WIZ: variants seen among roughly 807,000 people sequenced by gnomAD.
WIZ encodes protein Wiz.
A neutral mutation model predicts 140.2 loss-of-function variants in WIZ; 25 were observed. That is an observed-to-expected ratio of 0.18 (90% CI 0.13 to 0.25). The LOEUF (loss-of-function observed/expected upper bound fraction) is 0.25. WIZ is among the 10% of genes least tolerant of loss of function. The pLI, the probability that WIZ is intolerant of heterozygous loss-of-function variation, is 1.00. For missense variants in WIZ, 2,231 were observed against 2,632.6 expected (o/e 0.85, Z 3.34); for synonymous variants, 1,125 against 1,154.3 (o/e 0.97, Z 0.51).
intron 1 of WIZ, chr19:15,449,547 A>T (rs1970040532): frequency 6.6e-6 from 1 of 152,008 alleles, no homozygotes; most frequent in Non-Finnish European, 1.5e-5. Context: ...CCGGGGGATG[A>T]GCCCTCCGCC....
In WIZ at chr19:15,428,209, C is replaced by T. The variant is rs1392852817; in HGVS notation, c.3715G>A (p.Ala1239Thr). 22 of 1,533,458 alleles carry T rather than the reference C, an allele frequency of 1.4e-5. No individual in the cohort carries two copies. Among genetic ancestry groups the T allele is most frequent in the African/African-American group, 4.1e-5 (3 of 72,946 alleles). The allele number at this position is 1,533,458 out of a possible 1,614,324, so 95.0% of individuals were successfully genotyped here. The stretch of plus-strand genomic sequence containing the variant: ...TTCCCCCAGGGGCTGGCCATACCCG[C>T]GGCCTTCAGCTTGGCCTTCTTGGCC... Reference protein sequence around the residue: ...PPAKKAKLKAAGMASPWGKQD... With the variant: ...PPAKKAKLKATGMASPWGKQD... Residue 1239 changes from alanine to threonine, a missense_variant, in exon 8 of 13, where the codon GCG becomes ACG. By Grantham distance (58) the Ala-to-Thr change is moderately conservative (BLOSUM62 0). Around this residue, in one of 15 missense-constraint regions of WIZ, gnomAD observed 141 missense variants for 161.2 expected, o/e 0.87. Coordinates refer to ENST00000673675, the MANE Select transcript of WIZ (RefSeq NM_001371589.1). The surrounding 1 kb of genome is among the most constrained non-coding windows in gnomAD (Gnocchi z 6.4).
rs897189925 is a variant in WIZ at position 15,429,692 on chromosome 19, G to A, written c.3309C>T (p.Thr1103=). 100 of 1,441,704 alleles carry A rather than the reference G, an allele frequency of 6.9e-5. No homozygotes were observed. The highest frequency in any genetic ancestry group is 8.4e-5 in the Non-Finnish European group (93 of 1,100,988). 89.3% of individuals were successfully genotyped at this position (1,441,704 alleles called of 1,614,324 possible). A position where few individuals can be genotyped will look rare whatever the true frequency, so the allele number is the denominator to read the frequency against. ...KTPLALAGSP[T]PKNPEDKSPQ... is the part of the protein sequence containing the mutation. ...GGCTCTTGTCCTCAGGATTCTTAGG[G>A]GTAGGGGAGCCCGCCAGGGCCAGTG... The change falls in exon 7 of 13, where the codon ACC becomes ACT. Residue 1103 remains threonine (T), a synonymous_variant. Coordinates refer to ENST00000673675, the MANE Select transcript of WIZ (RefSeq NM_001371589.1).
chr19:15,439,764 G>A lies in WIZ; in HGVS notation c.1230C>T (p.Thr410=). ...GCTGCACATAGGCCCTGGATGAATT[G>A]GTGCCAAAGACACACTTAGGGCACT... ...RLQCPKCVFG[T]NSSRAYVQHA... is the part of the protein sequence containing the mutation. Residue 410 remains threonine, a synonymous_variant, in exon 4 of 13, where the codon ACC becomes ACT. Coordinates refer to ENST00000673675, the MANE Select transcript of WIZ (RefSeq NM_001371589.1). This position sits in a 1 kb window ranked among gnomAD's most constrained non-coding sequence, Gnocchi z 7.0. 6.8e-7 allele frequency: 1 copy of A among 1,480,902 alleles called. No individual in the cohort carries two copies. The highest frequency in any genetic ancestry group is 8.9e-7 in the Non-Finnish European group (1 of 1,120,844). 91.7% of individuals were successfully genotyped at this position (1,480,902 alleles called of 1,614,324 possible). A position where few individuals can be genotyped will look rare whatever the true frequency, so the allele number is the denominator to read the frequency against.
At chr19:15,429,481 A>ACCCCCCC in intron 7 of WIZ, 105 bp downstream of exon 7, 1 of 774,594 alleles carries the variant, frequency 1.3e-6, no homozygotes, top group Non-Finnish European at 1.8e-6. Context: ...TGTAGTCCCC[A>ACCCCCCC]CCGCCCCCAC....
chr19:15,424,720 T>G lies in WIZ; in HGVS notation c.5207A>C (p.Glu1736Ala). The stretch of plus-strand genomic sequence containing the variant: ...TGCCCGGCCAGCCTCGGGCCCTGGC[T>G]CCCCTCCGGCACTGCGGCCGACCAC... The part of the protein sequence containing the change: ...LAVVGRSAGG[E>A]PGPEAGRAAD... The change falls in exon 11 of 13, where the codon GAG (glutamate) becomes GCG (alanine). Residue 1736 changes from glutamate to alanine, a missense_variant. Glu to Ala is a moderately radical substitution (Grantham distance 107, BLOSUM62 -1). Coordinates refer to ENST00000673675, the MANE Select transcript of WIZ (RefSeq NM_001371589.1). This position sits in a 1 kb window ranked among gnomAD's most constrained non-coding sequence, Gnocchi z 9.7. 8 of 1,577,978 alleles carry G rather than the reference T, an allele frequency of 5.1e-6. No homozygotes were observed. The South Asian group carries it at 9.1e-5, about 18-fold the overall frequency.
chr19:15,434,948 G>A (rs1568305545), intron 5 of WIZ, among the ~76,000 whole-genome samples: 1 of 152,210 alleles, frequency 6.6e-6, no homozygotes, highest in Non-Finnish European at 1.5e-5. Context: ...ACAGGGACAT[G>A]GCCGGTGCGG....
rs1323911356 is a variant in WIZ, at chr19:15,429,605, A to G, written c.3396T>C (p.Asp1132=). 7.2e-7 allele frequency: 1 copy of G among 1,383,834 alleles called. No individual in the cohort carries two copies. The highest frequency in any genetic ancestry group is 1.5e-5 in the African/African-American group (1 of 68,108). The allele number at this position is 1,383,834 out of a possible 1,614,324, so 85.7% of individuals were successfully genotyped here. A position where few individuals can be genotyped will look rare whatever the true frequency, so the allele number is the denominator to read the frequency against. The change falls in exon 7 of 13, where the codon GAT becomes GAC. Residue 1132 remains aspartate, a synonymous_variant. Transcript: ENST00000673675. ...ACTCACTGAGGTTCAAGGGCCCCTC[A>G]TCCTCAGACTGAGGCCACTGTGCCT... ...SPKAQWPQSE[D]EGPLNLTLDS...
In WIZ at chr19:15,427,180, G is replaced by A; in HGVS notation, c.4168C>T (p.Pro1390Ser). 6.2e-7 allele frequency: 1 copy of A among 1,614,212 alleles called. No homozygotes were observed. Among genetic ancestry groups the A allele is most frequent in the African/African-American group, 1.3e-5 (1 of 75,054 alleles). ...PPPGSPLGHS[P>S]TASPPPTARK... ...GCCGTAGGAGGAGGAGAGGCAGTTG[G>A]TGAGTGGCCCAGGGGGCTGCCCGGT... The change falls in exon 9 of 13, where the codon CCA becomes TCA. Residue 1390 changes from proline (P) to serine (S), a missense_variant. By Grantham distance (74) the Pro-to-Ser change is moderately conservative. Coordinates refer to ENST00000673675, the MANE Select transcript of WIZ (RefSeq NM_001371589.1). The surrounding 1 kb of genome is among the most constrained non-coding windows in gnomAD (Gnocchi z 6.4).
intron 7 of WIZ, among the ~76,000 whole-genome samples, chr19:15,429,037 C>A (rs567167458): frequency 4.6e-5 from 7 of 152,328 alleles, no homozygotes; most frequent in Middle Eastern, 3.4e-3. Flanking sequence ...AACCTGCTCA[C>A]TGCACCTGGA....
chr19:15,425,964 A>G lies in WIZ; in HGVS notation c.4367-196T>C, dbSNP rs542619145. Reference sequence around the variant, plus strand: ...AAGCCTCCAAGCTCAAAGCCCCCGTATCAGTGCCAGCTGCCTAGCTACCCC... The same window carrying G: ...AAGCCTCCAAGCTCAAAGCCCCCGTGTCAGTGCCAGCTGCCTAGCTACCCC... On this transcript the variant is annotated intron_variant, in intron 9 of 12. Coordinates refer to ENST00000673675, the MANE Select transcript of WIZ (RefSeq NM_001371589.1). Among the ~76,000 whole-genome samples, 597 of 150,450 alleles carry G rather than the reference A, an allele frequency of 4.0e-3. 1 individual carries two copies. The highest frequency in any genetic ancestry group is 0.01 in the Middle Eastern group (3 of 292).
At position 15,439,308 on chromosome 19, in the gene WIZ, C is replaced by A. The variant is rs749517086; in HGVS notation, c.1686G>T (p.Pro562=). Residue 562 remains proline, a synonymous_variant, in exon 4 of 13, where the codon CCG becomes CCT. Transcript: ENST00000673675. The surrounding 1 kb of genome is among the most constrained non-coding windows in gnomAD (Gnocchi z 7.0). The part of the protein sequence containing the change: ...GCQQLSIRDF[P]LSKPLLHGTG... ...TGCCATGCAGGAGTGGCTTTGACAG[C>A]GGGAAATCTCTGATGCTCAGCTGCT... is the stretch of plus-strand genomic sequence containing the variant. 3.2e-5 allele frequency: 49 copies of A among 1,535,440 alleles called. No individual in the cohort carries two copies. Among genetic ancestry groups the A allele is most frequent in the Non-Finnish European group, 4.1e-5 (47 of 1,146,648 alleles).
Position 15,439,405 on chromosome 19 carries a change from G to T in WIZ, c.1589C>A (p.Pro530Gln). ...TAVDYFGKAEPSLAPMWRENP... is the reference protein window; with the variant it reads ...TAVDYFGKAEQSLAPMWRENP... ...CTCCCGCCACATGGGGGCCAAGGACGGCTCAGCTTTGCCAAAGTAGTCCAC... is the reference window on the plus strand; with the variant it reads ...CTCCCGCCACATGGGGGCCAAGGACTGCTCAGCTTTGCCAAAGTAGTCCAC... The change falls in exon 4 of 13, where the codon CCG (proline) becomes CAG (glutamine). Residue 530 changes from proline to glutamine, a missense_variant. Pro to Gln is a moderately conservative substitution (Grantham distance 76). Around this residue, in one of 15 missense-constraint regions of WIZ, gnomAD observed 475 missense variants for 520.2 expected, o/e 0.91. Transcript: ENST00000673675. The surrounding 1 kb of genome is among the most constrained non-coding windows in gnomAD (Gnocchi z 7.0). 2 of 1,527,928 alleles carry T rather than the reference G, an allele frequency of 1.3e-6. No homozygotes were observed. The highest frequency in any genetic ancestry group is 1.8e-6 in the Non-Finnish European group (2 of 1,141,382). 94.6% of individuals were successfully genotyped at this position (1,527,928 alleles called of 1,614,324 possible).
chr19:15,444,331 T>C, intron 2 of WIZ, among the ~76,000 whole-genome samples: 1 of 152,130 alleles, frequency 6.6e-6, no homozygotes, highest in African/African-American at 2.4e-5. Context: ...AAAAGGGTTG[T>C]GACTGTTGTG....
At chr19:15,423,265 C>G (rs771631774) in intron 12 of WIZ, 30 bp from the exon 13 acceptor site, 190 of 1,609,982 alleles carry the variant, frequency 1.2e-4, no homozygotes, top group Non-Finnish European at 1.6e-4. Context: ...GAGGGAGTGG[C>G]CAGTGCTGTG....
rs976548212 is a variant in WIZ, at chr19:15,421,908, A to G, written c.*1168T>C. 3.3e-5 allele frequency: 5 copies of G among 152,192 alleles called. No homozygotes were observed. Among genetic ancestry groups the G allele is most frequent in the Non-Finnish European group, 5.9e-5 (4 of 68,044 alleles). 9.4% of individuals were successfully genotyped at this position (152,192 alleles called of 1,614,324 possible). Reference sequence around the variant, plus strand: ...AGAGACCCCCTCCCAGCCATGGCCTAAAGAGCCAACAGCTGGGAACTTGGG... The same window carrying G: ...AGAGACCCCCTCCCAGCCATGGCCTGAAGAGCCAACAGCTGGGAACTTGGG... On this transcript the variant is annotated 3_prime_UTR_variant, in exon 13 of 13. Transcript: ENST00000673675.
In WIZ at chr19:15,421,934, C is replaced by G. The variant is rs1968396727; in HGVS notation, c.*1142G>C. 6.6e-6 allele frequency: 1 copy of G among 152,248 alleles called. No individual in the cohort carries two copies. Among genetic ancestry groups the G allele is most frequent in the Non-Finnish European group, 1.5e-5 (1 of 68,060 alleles). The allele number at this position is 152,248 out of a possible 1,614,324, so 9.4% of individuals were successfully genotyped here. A position where few individuals can be genotyped will look rare whatever the true frequency, so the allele number is the denominator to read the frequency against. Reference sequence around the variant, plus strand: ...AAGAGCCAACAGCTGGGAACTTGGGCTCATCCCCAGCTGCGTCTGGTCGGC... The same window carrying G: ...AAGAGCCAACAGCTGGGAACTTGGGGTCATCCCCAGCTGCGTCTGGTCGGC... On this transcript the variant is annotated 3_prime_UTR_variant, in exon 13 of 13. Coordinates refer to ENST00000673675, the MANE Select transcript of WIZ (RefSeq NM_001371589.1).
At chr19:15,448,746 C>G (rs1298013927) in intron 1 of WIZ, among the ~76,000 whole-genome samples, 2 of 152,154 alleles carry the variant, frequency 1.3e-5, no homozygotes, top group African/African-American at 4.8e-5. Context: ...CATGCACACG[C>G]ACATCCTACT....
chr19:15,424,767 C>T lies in WIZ; in HGVS notation c.5160G>A (p.Gly1720=). 3.8e-6 allele frequency: 6 copies of T among 1,580,516 alleles called. No individual in the cohort carries two copies. The highest frequency in any genetic ancestry group is 2.3e-5 in the South Asian group (2 of 87,410). The change falls in exon 11 of 13, where the codon GGG becomes GGA. Residue 1720 remains glycine (G), a synonymous_variant. Coordinates refer to ENST00000673675, the MANE Select transcript of WIZ (RefSeq NM_001371589.1). This position sits in a 1 kb window ranked among gnomAD's most constrained non-coding sequence, Gnocchi z 9.7. The part of the protein sequence containing the change: ...GRDSDKRPSL[G]LAPGGLAVVG... ...CCACGGCCAGGCCCCCGGGTGCCAGCCCCAGGGACGGCCGCTTGTCACTGT... is the reference window on the plus strand; with the variant it reads ...CCACGGCCAGGCCCCCGGGTGCCAGTCCCAGGGACGGCCGCTTGTCACTGT...
intron 5 of WIZ, among the ~76,000 whole-genome samples, chr19:15,434,554 C>G (rs1242946161): frequency 6.8e-6 from 1 of 146,640 alleles, no homozygotes; most frequent in Non-Finnish European, 1.5e-5. Context: ...CAGAGCGATA[C>G]TCCATCTCAA....
Sources: gnomAD v4.1 joint callset for allele counts (sites outside exome capture counted in the v4.1 genomes callset) on GRCh38, gnomAD v4.1.1 for gene constraint, gnomAD v4.1.1 regional missense constraint, Gnocchi (gnomAD v3.1) non-coding constraint, MANE v1.5 for transcripts, NCBI Gene and HGNC (gene_info 2026-07-23, HGNC 2026-07-21) for gene names.